CATSPERB: variants seen among roughly 807,000 people sequenced by gnomAD.
The protein encoded by CATSPERB is catsper channel auxiliary subunit beta, also known as cation channel sperm-associated auxiliary subunit beta.
Under a neutral mutation model 128.3 loss-of-function variants are expected in CATSPERB, and 93 were observed. That is an observed-to-expected ratio of 0.72 (90% CI 0.61 to 0.86). The LOEUF is 0.86. Among genes scored for constraint, CATSPERB ranks in the 40% least tolerant of loss-of-function variants. CATSPERB has a pLI of 0.00. For missense variants in CATSPERB, 1,153 were observed against 1,329.5 expected, an observed-to-expected ratio of 0.87 and a Z score of 2.06; for synonymous variants, 381 against 448.8, an observed-to-expected ratio of 0.85 and a Z score of 1.91.
At position 91,621,654 on chromosome 14, in the gene CATSPERB, C is replaced by A. The variant is rs746356829; in HGVS notation, c.2214G>T (p.Leu738=). The change falls in exon 19 of 27, where the codon CTG becomes CTT. Residue 738 remains leucine (L), a synonymous_variant. Transcript: ENST00000256343. ...PSLNIVKYID[L]GNSYVLKAKV... is the part of the protein sequence containing the mutation. ...TAGCTTTTAAAACATAAGAGTTTCC[C>A]AGATCAATGTATTTCACGATGTTGA... 1 of 1,612,116 alleles carries A rather than the reference C, an allele frequency of 6.2e-7. No individual in the cohort carries two copies. The highest frequency in any genetic ancestry group is 8.5e-7 in the Non-Finnish European group (1 of 1,178,804).
At chr14:91,634,035 T>C (rs1031823162) in intron 17 of CATSPERB, among the ~76,000 whole-genome samples, 1 of 152,166 alleles carries the variant, frequency 6.6e-6, no homozygotes, top group Non-Finnish European at 1.5e-5. Context: ...CAACCTCCTG[T>C]GCAGATGAAA....
At chr14:91,600,996 A>T (rs771892089) in intron 22 of CATSPERB, among the ~76,000 whole-genome samples, 1 of 152,240 alleles carries the variant, frequency 6.6e-6, no homozygotes, top group Non-Finnish European at 1.5e-5. Flanking sequence ...CTGAGAACTA[A>T]ATGGTATTTG....
At chr14:91,724,498 C>G (rs1896087889) in intron 3 of CATSPERB, among the ~76,000 whole-genome samples, 1 of 152,012 alleles carries the variant, frequency 6.6e-6, no homozygotes, top group South Asian at 2.1e-4. Context: ...CTCATGGAGT[C>G]TTTTTCTTTG....
intron 15 of CATSPERB, 32 bp from the exon 16 acceptor site, chr14:91,639,282 C>T (rs1258462082): frequency 2.5e-6 from 4 of 1,592,388 alleles, no homozygotes; most frequent in Non-Finnish European, 3.4e-6. Context: ...TGTCTTGATA[C>T]TGATGTAACA....
chr14:91,697,695 G>T (rs1391417249), intron 7 of CATSPERB, among the ~76,000 whole-genome samples: 2 of 152,146 alleles, frequency 1.3e-5, no homozygotes, highest in African/African-American at 4.8e-5. Context: ...TAGTAGGGGT[G>T]TGGCTTTATT....
chr14:91,681,554 G>T (rs909782132), intron 11 of CATSPERB, among the ~76,000 whole-genome samples: 9 of 152,192 alleles, frequency 5.9e-5, no homozygotes, highest in African/African-American at 2.2e-4. Flanking sequence ...GACGCTCCCT[G>T]GGAGTCCCGC....
At chr14:91,680,622 A>G (rs1324616692) in intron 11 of CATSPERB, among the ~76,000 whole-genome samples, 1 of 151,962 alleles carries the variant, frequency 6.6e-6, no homozygotes, top group Non-Finnish European at 1.5e-5. Context: ...AAGTCTTTTG[A>G]CTCTAAGTTC....
chr14:91,721,713 G>C (rs1896034066), intron 4 of CATSPERB, among the ~76,000 whole-genome samples: 1 of 152,114 alleles, frequency 6.6e-6, no homozygotes, highest in Non-Finnish European at 1.5e-5. Flanking sequence ...AGCCAGGTTT[G>C]GTGGCGGATG....
At chr14:91,712,709 G>A (rs1895860778) in intron 5 of CATSPERB, among the ~76,000 whole-genome samples, 1 of 152,128 alleles carries the variant, frequency 6.6e-6, no homozygotes, top group Non-Finnish European at 1.5e-5. Flanking sequence ...TTCAGAATCA[G>A]GGGAGCCTAC....
At chr14:91,708,919 C>T (rs1312267728) in intron 5 of CATSPERB, among the ~76,000 whole-genome samples, 3 of 152,174 alleles carry the variant, frequency 2.0e-5, no homozygotes, top group Non-Finnish European at 2.9e-5. Context: ...TGGATAGGGC[C>T]TGTGGAAGCC....
chr14:91,591,606 G>T (rs148122624), intron 23 of CATSPERB, among the ~76,000 whole-genome samples: 1 of 151,522 alleles, frequency 6.6e-6, no homozygotes, highest in Non-Finnish European at 1.5e-5. Context: ...AGTTGCTTTC[G>T]TATACACAGG....
chr14:91,726,021 G>A (rs528080013), intron 2 of CATSPERB, among the ~76,000 whole-genome samples: 6 of 152,196 alleles, frequency 3.9e-5, no homozygotes, highest in South Asian at 4.2e-4. Flanking sequence ...GGGGATGGTC[G>A]GAGAGGCCAA....
Position 91,672,869 on chromosome 14 carries a change from T to C in CATSPERB, c.1126A>G (p.Lys376Glu), listed in dbSNP as rs754871877. The change falls in exon 13 of 27, where the codon AAG (lysine) becomes GAG (glutamate). Residue 376 changes from lysine (K) to glutamate (E), a missense_variant and splice_region_variant. Transcript: ENST00000256343. ...RGTGVYLFYNKVRKTAIASVS... is the reference protein window; with the variant it reads ...RGTGVYLFYNEVRKTAIASVS... ...TCCCTCTGGGATATAAGGCCTACCT[T>C]GTTATAGAAGAGGTAAACTCCAGTA... 1.0e-5 allele frequency: 16 copies of C among 1,559,200 alleles called. No individual in the cohort carries two copies. Among genetic ancestry groups the C allele is most frequent in the Non-Finnish European group, 1.4e-5 (16 of 1,164,934 alleles).
chr14:91,604,162 G>T (rs912893490), intron 22 of CATSPERB, among the ~76,000 whole-genome samples: 3 of 152,036 alleles, frequency 2.0e-5, no homozygotes, highest in African/African-American at 7.3e-5. Context: ...CTGAGTAGCT[G>T]GGACTACAGG....
At chr14:91,594,439 G>T (rs1893468637) in intron 22 of CATSPERB, among the ~76,000 whole-genome samples, 1 of 150,676 alleles carries the variant, frequency 6.6e-6, no homozygotes, top group African/African-American at 2.5e-5. Flanking sequence ...TGACAAACCT[G>T]CACGTTGTGC....
chr14:91,601,008 C>T (rs1223863307), intron 22 of CATSPERB, among the ~76,000 whole-genome samples: 2 of 152,182 alleles, frequency 1.3e-5, no homozygotes, highest in Non-Finnish European at 2.9e-5. Flanking sequence ...TGGTATTTGG[C>T]TCTGGTACGA....
chr14:91,610,513 G>C lies in CATSPERB; in HGVS notation c.2565C>G (p.Asp855Glu). 1.2e-6 allele frequency: 2 copies of C among 1,613,704 alleles called. No individual in the cohort carries two copies. Among genetic ancestry groups the C allele is most frequent in the Non-Finnish European group, 1.7e-6 (2 of 1,179,962 alleles). The change falls in exon 21 of 27, where the codon GAC (aspartate) becomes GAG (glutamate). Residue 855 changes from aspartate (D) to glutamate (E), a missense_variant. Asp to Glu is a conservative substitution (Grantham distance 45). Transcript: ENST00000256343. The stretch of plus-strand genomic sequence containing the variant: ...TTTTGATGAGGTTAAAACCCTGACT[G>C]TCTTTATGAACTCCACTAATCCAGT... Reference protein sequence around the residue: ...FEDWISGVHKDSQGFNLIKTL... With the variant: ...FEDWISGVHKESQGFNLIKTL...
At chr14:91,726,988 C>T (rs34691667) in intron 2 of CATSPERB, among the ~76,000 whole-genome samples, 18,787 of 152,126 alleles carry the variant, frequency 0.12, 1,490 homozygotes, top group South Asian at 0.23. Context: ...CTATAGGCTT[C>T]CCACCAGCAC....
chr14:91,731,657 T>A (rs1456548912), intron 1 of CATSPERB, among the ~76,000 whole-genome samples: 1 of 152,200 alleles, frequency 6.6e-6, no homozygotes, highest in Non-Finnish European at 1.5e-5. Flanking sequence ...CTCATCACAC[T>A]CCCCTACTGA....
Sources: gnomAD v4.1 joint callset for allele counts (sites outside exome capture counted in the v4.1 genomes callset) on GRCh38, gnomAD v4.1.1 for gene constraint, MANE v1.5 for transcripts, NCBI Gene and HGNC (gene_info 2026-07-23, HGNC 2026-07-21) for gene names.